SERINC3: variants seen among roughly 807,000 people sequenced by gnomAD.
The protein encoded by SERINC3 is serine incorporator 3.
In SERINC3, 22 loss-of-function variants were observed where a neutral mutation model predicts 52.1. That is an observed-to-expected ratio of 0.42 (90% CI 0.30 to 0.60). The LOEUF (loss-of-function observed/expected upper bound fraction) is 0.60. Among genes scored for constraint, SERINC3 ranks in the 20% least tolerant of loss-of-function variants. The pLI is 0.16. For synonymous variants in SERINC3, 226 were observed against 212.7 expected, an observed-to-expected ratio of 1.06 and a Z score of -0.54; for missense variants, 564 against 584.6, an observed-to-expected ratio of 0.96 and a Z score of 0.36.
chr20:44,507,649 T>C (rs577520561), intron 5 of SERINC3, among the ~76,000 whole-genome samples: 2 of 152,196 alleles, frequency 1.3e-5, no homozygotes, highest in African/African-American at 4.8e-5. Context: ...GGTGGCTGGA[T>C]TGCTTGAGCC....
intron 5 of SERINC3, among the ~76,000 whole-genome samples, chr20:44,508,685 G>GT (rs146442992): frequency 9.0e-4 from 137 of 152,242 alleles, no homozygotes; most frequent in African/African-American, 3.2e-3. Flanking sequence ...GGTTAAATGA[G>GT]TAAGACATAC....
chr20:44,508,410 T>A (rs921601807), intron 5 of SERINC3, among the ~76,000 whole-genome samples: 1 of 151,838 alleles, frequency 6.6e-6, no homozygotes, highest in African/African-American at 2.4e-5. Context: ...CTGAGGTGGA[T>A]AGCTTGAGCC....
intron 1 of SERINC3, among the ~76,000 whole-genome samples, chr20:44,518,766 A>G (rs1344818395): frequency 6.6e-6 from 1 of 152,082 alleles, no homozygotes; most frequent in Non-Finnish European, 1.5e-5. Context: ...GGAGTTCAAG[A>G]CCGGCCTGAC....
intron 1 of SERINC3, among the ~76,000 whole-genome samples, chr20:44,521,651 G>A (rs2064417353): frequency 6.6e-6 from 1 of 152,236 alleles, no homozygotes; most frequent in African/African-American, 2.4e-5. Flanking sequence ...AACCTAGTCA[G>A]GAAGCCTCGC....
chr20:44,519,712 G>A (rs1302552713), intron 1 of SERINC3, among the ~76,000 whole-genome samples: 2 of 152,024 alleles, frequency 1.3e-5, no homozygotes, highest in Non-Finnish European at 2.9e-5. Context: ...CTTGAATCCA[G>A]GAGTTCAAGG....
chr20:44,505,880 G>A (rs1222611332), intron 6 of SERINC3, among the ~76,000 whole-genome samples: 1 of 152,030 alleles, frequency 6.6e-6, no homozygotes, highest in Non-Finnish European at 1.5e-5. Context: ...GATTACAGGC[G>A]TTAAGCCACC....
chr20:44,507,895 G>A (rs1420380159), intron 5 of SERINC3, among the ~76,000 whole-genome samples: 1 of 152,128 alleles, frequency 6.6e-6, no homozygotes, highest in East Asian at 1.9e-4. Context: ...AATTAGCTGT[G>A]TAGCTCTGAA....
chr20:44,500,478 T>C (rs1436990085), intron 9 of SERINC3, 44 bp from the exon 10 acceptor site: 2 of 1,550,588 alleles, frequency 1.3e-6, no homozygotes, highest in Admixed American at 2.0e-5. Context: ...CTGGTCTACC[T>C]GACTTCTATC....
chr20:44,505,636 T>C (rs1018425424), intron 6 of SERINC3, among the ~76,000 whole-genome samples: 1 of 151,734 alleles, frequency 6.6e-6, no homozygotes, highest in Non-Finnish European at 1.5e-5. Context: ...TTCGCTCTTA[T>C]TGCCCAGGCT....
intron 5 of SERINC3, among the ~76,000 whole-genome samples, chr20:44,508,636 G>A (rs187905521): frequency 6.6e-6 from 1 of 152,218 alleles, no homozygotes; most frequent in Non-Finnish European, 1.5e-5. Flanking sequence ...GGAATACCAT[G>A]CAGCTTACAG....
In SERINC3 at chr20:44,513,932, T is replaced by C. The variant is rs1172010165; in HGVS notation, c.148A>G (p.Thr50Ala). The change falls in exon 2 of 10, where the codon ACT becomes GCT. Residue 50 changes from threonine (T) to alanine (A), a missense_variant. By Grantham distance (58) the Thr-to-Ala change is moderately conservative. Transcript: ENST00000342374. ...CTCTGCATGATATAGGATACGACAG[T>C]GCTCAGGAGGAGAATGAAAGCATAA... ...LIYAFILLLS[T>A]VVSYIMQRKE... 6.2e-7 allele frequency: 1 copy of C among 1,614,110 alleles called. No homozygotes were observed. The highest frequency in any genetic ancestry group is 8.5e-7 in the Non-Finnish European group (1 of 1,180,002).
At chr20:44,519,360 T>C (rs374680979) in intron 1 of SERINC3, 3 of 937,038 alleles carry the variant, frequency 3.2e-6, no homozygotes, top group African/African-American at 3.5e-5. Context: ...GGTCAGGAGA[T>C]TGAGACCATC....
chr20:44,503,078 A>C (rs909361284), intron 8 of SERINC3, among the ~76,000 whole-genome samples: 4 of 152,230 alleles, frequency 2.6e-5, no homozygotes, highest in Admixed American at 6.5e-5. Flanking sequence ...CCACTGAAAG[A>C]AATTAAAGAC....
intron 6 of SERINC3, among the ~76,000 whole-genome samples, chr20:44,505,651 T>A (rs990322282): frequency 1.3e-5 from 2 of 151,100 alleles, no homozygotes; most frequent in Non-Finnish European, 2.9e-5. Flanking sequence ...CAGGCTGGAG[T>A]GCAATGGCGC....
At chr20:44,502,975 T>C (rs1185691653) in intron 8 of SERINC3, among the ~76,000 whole-genome samples, 3 of 151,770 alleles carry the variant, frequency 2.0e-5, no homozygotes, top group Non-Finnish European at 4.4e-5. Context: ...TATAATACCA[T>C]CGAAAAGAAT....
intron 3 of SERINC3, 77 bp from the exon 4 acceptor site, chr20:44,511,445 A>T: frequency 2.2e-6 from 2 of 895,052 alleles, no homozygotes; most frequent in Non-Finnish European, 3.6e-6. Flanking sequence ...TCTGAAATGC[A>T]AAAATAATAA....
chr20:44,505,340 T>C (rs962687357), intron 6 of SERINC3, among the ~76,000 whole-genome samples: 2 of 152,222 alleles, frequency 1.3e-5, no homozygotes, highest in East Asian at 3.8e-4. Context: ...TTCTTTTTTT[T>C]CTGAGACGGA....
In SERINC3 at chr20:44,520,226, A is replaced by G. The variant is rs576079671; in HGVS notation, c.39+1687T>C. Among the ~76,000 whole-genome samples the G allele has an allele frequency of 2.0e-5, 3 of 152,246 alleles. 1 individual carries two copies. The highest frequency in any genetic ancestry group is 7.2e-5 in the African/African-American group (3 of 41,554). ...TCCCGTCTTTATTGAAAATACAAAA[A>G]TTAGCTGGGCGTGGTGGCATACACT... On this transcript the variant is annotated intron_variant, in intron 1 of 9. Coordinates refer to ENST00000342374, the MANE Select transcript of SERINC3 (RefSeq NM_006811.4).
chr20:44,500,588 AT>A lies in SERINC3; in HGVS notation c.1284-155del, dbSNP rs367857350. ...TTGAAGGGGACCAGAGGAAGCTGCT[AT>A]TTTTAGTTCTTATGACCAAGAACTA... is the stretch of plus-strand genomic sequence containing the variant. On this transcript the variant is annotated intron_variant, in intron 9 of 9. Transcript: ENST00000342374. Among the ~76,000 whole-genome samples the A allele has an allele frequency of 3.0e-3, 457 of 152,286 alleles. 3 individuals are homozygous for A. The highest frequency in any genetic ancestry group is 5.5e-3 in the Admixed American group (84 of 15,284).
Sources: allele counts gnomAD v4.1 joint callset (sites outside exome capture counted in the v4.1 genomes callset), GRCh38; gene constraint gnomAD v4.1.1; transcripts MANE v1.5; gene names NCBI Gene and HGNC (gene_info 2026-07-23, HGNC 2026-07-21).